Variants in CNTN5 observed in about 807,000 individuals in gnomAD.
The protein encoded by CNTN5 is contactin-5.
Under a neutral mutation model 129.1 loss-of-function variants are expected in CNTN5, and 77 were observed. The observed-to-expected ratio is 0.60, with a 90% CI of 0.50 to 0.72. The LOEUF (loss-of-function observed/expected upper bound fraction) is 0.72, where lower values mean the gene tolerates loss of function less well. Ranked by LOEUF, CNTN5 falls within the 30% of genes least tolerant of loss-of-function variation. The pLI is 0.00. For synonymous variants in CNTN5, 509 were observed against 465.6 expected (o/e 1.09, Z -1.20); for missense variants, 1,478 against 1,328.8 (o/e 1.11, Z -1.75).
At chr11:99,902,568 A>G (rs932386830) in intron 6 of CNTN5, among the ~76,000 whole-genome samples, 2 of 152,194 alleles carry the variant, frequency 1.3e-5, no homozygotes, top group African/African-American at 4.8e-5. Context: ...CAAAAGAGCT[A>G]GAGCAACAAC....
intron 14 of CNTN5, 35 bp downstream of exon 14, chr11:100,191,288 G>T: frequency 6.4e-7 from 1 of 1,567,704 alleles, no homozygotes; most frequent in Non-Finnish European, 8.7e-7. Flanking sequence ...TACAAGCATA[G>T]TCTCATGGTC....
At chr11:99,665,779 G>T (rs1236975138) in intron 3 of CNTN5, among the ~76,000 whole-genome samples, 2 of 151,842 alleles carry the variant, frequency 1.3e-5, no homozygotes, top group Non-Finnish European at 2.9e-5. Context: ...GAGCCACCGC[G>T]CCTGGCCTAG....
chr11:99,085,566 T>C (rs1865974021), intron 1 of CNTN5, among the ~76,000 whole-genome samples: 1 of 152,108 alleles, frequency 6.6e-6, no homozygotes, highest in Non-Finnish European at 1.5e-5. Flanking sequence ...TTTTGGTGCC[T>C]TGTAAGAGTT....
At chr11:99,238,784 T>C (rs1373127685) in intron 1 of CNTN5, among the ~76,000 whole-genome samples, 1 of 152,176 alleles carries the variant, frequency 6.6e-6, no homozygotes, top group East Asian at 1.9e-4. Flanking sequence ...TCAGATGAAC[T>C]TTATGCAATT....
chr11:99,032,247 A>G (rs1378438961), intron 1 of CNTN5, among the ~76,000 whole-genome samples: 1 of 151,952 alleles, frequency 6.6e-6, no homozygotes, highest in Non-Finnish European at 1.5e-5. Context: ...GTGTCTTTAT[A>G]GCAGCATGAT....
intron 13 of CNTN5, among the ~76,000 whole-genome samples, chr11:100,134,955 A>T (rs1325252269): frequency 6.6e-6 from 1 of 152,090 alleles, no homozygotes; most frequent in African/African-American, 2.4e-5. Context: ...TATACTTAGA[A>T]TTTATACCGT....
intron 2 of CNTN5, among the ~76,000 whole-genome samples, chr11:99,403,334 T>C (rs1019545441): frequency 8.5e-5 from 13 of 152,160 alleles, no homozygotes; most frequent in Admixed American, 3.3e-4. Flanking sequence ...TTTTGATTCA[T>C]TGATCTTTTG....
At chr11:100,292,007 G>A (rs185961782) in intron 18 of CNTN5, among the ~76,000 whole-genome samples, 102 of 151,804 alleles carry the variant, frequency 6.7e-4, no homozygotes, top group African/African-American at 2.3e-3. Flanking sequence ...TAGAGCAGTC[G>A]CATTTTCAGG....
At chr11:99,194,661 A>C (rs1479543989) in intron 1 of CNTN5, among the ~76,000 whole-genome samples, 2 of 152,078 alleles carry the variant, frequency 1.3e-5, no homozygotes, top group African/African-American at 4.8e-5. Flanking sequence ...GCTGGAGTGC[A>C]GTGGCCCGAT....
intron 6 of CNTN5, among the ~76,000 whole-genome samples, chr11:99,895,424 C>T (rs988103341): frequency 7.9e-5 from 12 of 152,182 alleles, no homozygotes; most frequent in African/African-American, 2.9e-4. Context: ...TTCAAGATGG[C>T]TGGCTAGACC....
At chr11:99,742,984 T>C (rs1352356002) in intron 3 of CNTN5, among the ~76,000 whole-genome samples, 1 of 152,204 alleles carries the variant, frequency 6.6e-6, no homozygotes, top group African/African-American at 2.4e-5. Context: ...TCTTAGCTTG[T>C]GTGGCTAAAC....
intron 1 of CNTN5, among the ~76,000 whole-genome samples, chr11:99,254,930 C>T (rs1315365188): frequency 6.6e-6 from 1 of 151,716 alleles, no homozygotes; most frequent in Non-Finnish European, 1.5e-5. Flanking sequence ...TTTATTTTGG[C>T]CAAAGAATCT....
rs1184222717 is a variant in CNTN5 at position 99,103,674 on chromosome 11, G to T, written c.-210+82404G>T. On this transcript the variant is annotated intron_variant, in intron 1 of 24. Transcript: ENST00000524871. Reference sequence around the variant, plus strand: ...ATTGTGACCCTATTTGGAAAAAAGGGTCTTTGCATGTTTAAGTAAGTGAAA... The same window carrying T: ...ATTGTGACCCTATTTGGAAAAAAGGTTCTTTGCATGTTTAAGTAAGTGAAA... Among the ~76,000 whole-genome samples the T allele has an allele frequency of 2.6e-5, 4 of 151,732 alleles. No homozygotes were observed. In the East Asian group the frequency reaches 7.7e-4, roughly 29 times the overall value.
intron 3 of CNTN5, among the ~76,000 whole-genome samples, chr11:99,694,571 CAGGTTT>C (rs1954182444): frequency 1.3e-5 from 2 of 152,018 alleles, no homozygotes. Flanking sequence ...GCAGAATATG[CAGGTTT>C]GTTACTTAGG....
intron 13 of CNTN5, among the ~76,000 whole-genome samples, chr11:100,132,942 T>C (rs10791191): frequency 0.8 from 121,795 of 152,068 alleles, 49,566 homozygotes; most frequent in East Asian, 1. Flanking sequence ...TCATATTTTC[T>C]ATTTTTAGTA....
At chr11:99,421,864 A>G (rs1942903193) in intron 2 of CNTN5, among the ~76,000 whole-genome samples, 1 of 152,168 alleles carries the variant, frequency 6.6e-6, no homozygotes, top group Admixed American at 6.5e-5. Flanking sequence ...AAAAAAAAAT[A>G]GCTGTCTTAC....
At chr11:99,870,508 A>G (rs559945308) in intron 6 of CNTN5, among the ~76,000 whole-genome samples, 4 of 152,292 alleles carry the variant, frequency 2.6e-5, no homozygotes, top group Admixed American at 2.0e-4. Context: ...ATAGTATTTA[A>G]ACATAATGAC....
chr11:99,661,416 C>T lies in CNTN5; in HGVS notation c.55+105147C>T, dbSNP rs964903738. ...GTTATCACTAATTAGTATAAAGTGC[C>T]TGTGTACAGAGTTATTACAATTCAT... On this transcript the variant is annotated intron_variant, in intron 3 of 24. Coordinates refer to ENST00000524871, the MANE Select transcript of CNTN5 (RefSeq NM_014361.4). Among the ~76,000 whole-genome samples, 9 of 152,224 alleles carry T rather than the reference C, an allele frequency of 5.9e-5. No individual in the cohort carries two copies. In the East Asian group the frequency reaches 1.7e-3, roughly 29 times the overall value.
At chr11:99,675,919 A>G (rs1048839890) in intron 3 of CNTN5, among the ~76,000 whole-genome samples, 2 of 152,096 alleles carry the variant, frequency 1.3e-5, no homozygotes, top group Non-Finnish European at 2.9e-5. Flanking sequence ...GCTGTGTAAT[A>G]TTAGATAATA....
Sources: allele counts gnomAD v4.1 joint callset (sites outside exome capture counted in the v4.1 genomes callset), GRCh38; gene constraint gnomAD v4.1.1; transcripts MANE v1.5; gene names NCBI Gene and HGNC (gene_info 2026-07-23, HGNC 2026-07-21).